The following RSPO2 variants were observed in gnomAD, a reference collection of about 807,000 sequenced individuals.
The protein encoded by RSPO2 is R-spondin 2, also known as R-spondin-2.
Under a neutral mutation model 30.9 loss-of-function variants are expected in RSPO2, and 14 were observed. The ratio of observed to expected loss-of-function variants is 0.45; its 90% CI spans 0.30 to 0.71. The LOEUF (loss-of-function observed/expected upper bound fraction) is 0.71, where lower values mean the gene tolerates loss of function less well. RSPO2 is among the 30% of genes least tolerant of loss of function. RSPO2 has a pLI of 0.08. For missense variants in RSPO2, 264 were observed against 301.9 expected, an observed-to-expected ratio of 0.87 and a Z score of 0.93; for synonymous variants, 107 against 96.4, an observed-to-expected ratio of 1.11 and a Z score of -0.64.
chr8:108,075,678 G>GT lies in RSPO2; in HGVS notation c.94+6866dup, dbSNP rs35335035. 2.7e-3 allele frequency among the ~76,000 whole-genome samples: 402 copies of GT among 146,784 alleles called. 3 individuals carry two copies. The highest frequency in any genetic ancestry group is 0.018 in the East Asian group (90 of 5,080). On this transcript the variant is annotated intron_variant, in intron 2 of 5. Transcript: ENST00000276659. ...CTGGGCTGGGAATGCTTTTATACCT[G>GT]TTTTTTTTTTTAATTTTTCTTTAAA...
intron 2 of RSPO2, among the ~76,000 whole-genome samples, chr8:108,042,260 T>A (rs1032958828): frequency 1.3e-5 from 2 of 151,996 alleles, no homozygotes; most frequent in African/African-American, 2.4e-5. Flanking sequence ...TAAAGGAGGA[T>A]CATGAAGGAA....
intron 3 of RSPO2, among the ~76,000 whole-genome samples, chr8:107,963,849 C>A (rs988692208): frequency 6.6e-6 from 1 of 152,070 alleles, no homozygotes; most frequent in African/African-American, 2.4e-5. Flanking sequence ...GGCATCTATC[C>A]AATCTAAAAC....
chr8:107,979,067 T>C (rs1359396655), intron 3 of RSPO2, among the ~76,000 whole-genome samples: 1 of 152,134 alleles, frequency 6.6e-6, no homozygotes, highest in Non-Finnish European at 1.5e-5. Flanking sequence ...ATAGGAACAC[T>C]TTTACATTGT....
intron 2 of RSPO2, among the ~76,000 whole-genome samples, chr8:108,062,135 C>G (rs1340624900): frequency 6.6e-6 from 1 of 151,704 alleles, no homozygotes; most frequent in Non-Finnish European, 1.5e-5. Context: ...ACTAGAGAAG[C>G]AGAAGCAAAC....
intron 2 of RSPO2, among the ~76,000 whole-genome samples, chr8:108,070,353 T>C (rs13254424): frequency 0.44 from 62,932 of 144,252 alleles, 17,486 homozygotes; most frequent in African/African-American, 0.81. Flanking sequence ...ACTGCAGTGG[T>C]GCAATCTCGG....
intron 2 of RSPO2, among the ~76,000 whole-genome samples, chr8:108,080,493 G>T (rs1341786680): frequency 1.3e-5 from 2 of 152,170 alleles, no homozygotes; most frequent in Non-Finnish European, 2.9e-5. Flanking sequence ...GATGGTAATC[G>T]TTACAAGAGA....
At chr8:107,982,129 A>C (rs908698196) in intron 3 of RSPO2, among the ~76,000 whole-genome samples, 3 of 152,176 alleles carry the variant, frequency 2.0e-5, no homozygotes, top group Non-Finnish European at 4.4e-5. Context: ...GTAGAATCAT[A>C]AAATGTAGCA....
At chr8:108,079,238 C>T (rs1813110211) in intron 2 of RSPO2, among the ~76,000 whole-genome samples, 1 of 152,128 alleles carries the variant, frequency 6.6e-6, no homozygotes, top group African/African-American at 2.4e-5. Context: ...TGTGTCTCCC[C>T]TCTAAAAGAT....
chr8:107,956,084 G>C (rs555496132), intron 5 of RSPO2, among the ~76,000 whole-genome samples: 2 of 152,104 alleles, frequency 1.3e-5, no homozygotes, highest in Non-Finnish European at 2.9e-5. Context: ...TGGAAGTTAC[G>C]CCAATTTTTA....
rs866283769 is a variant in RSPO2 at position 107,989,204 on chromosome 8, A to G, written c.135T>C (p.Ser45=). The change falls in exon 3 of 6, where the codon TCT becomes TCC. Residue 45 remains serine (S), a synonymous_variant. Coordinates refer to ENST00000276659, the MANE Select transcript of RSPO2 (RefSeq NM_178565.5). The part of the protein sequence containing the change: ...VSNPICKGCL[S]CSKDNGCSRC... ...GGCTACACCCATTGTCCTTTGAACA[A>G]GACAAACAACCCTTGCAAATGGGAT... 6.3e-7 allele frequency: 1 copy of G among 1,594,192 alleles called. No homozygotes were observed. Among genetic ancestry groups the G allele is most frequent in the East Asian group, 2.3e-5 (1 of 44,330 alleles).
chr8:108,057,363 T>G (rs992941957), intron 2 of RSPO2, among the ~76,000 whole-genome samples: 1 of 152,128 alleles, frequency 6.6e-6, no homozygotes, highest in Admixed American at 6.5e-5. Flanking sequence ...AGAAAGGTTA[T>G]TGGTAGTTGT....
chr8:107,919,125 T>A (rs1195138973), intron 5 of RSPO2, among the ~76,000 whole-genome samples: 1 of 152,152 alleles, frequency 6.6e-6, no homozygotes, highest in Non-Finnish European at 1.5e-5. Flanking sequence ...GCAGTTTCAC[T>A]CCTCTTACCT....
chr8:107,932,280 T>C (rs1026850731), intron 5 of RSPO2, among the ~76,000 whole-genome samples: 1 of 152,074 alleles, frequency 6.6e-6, no homozygotes, highest in African/African-American at 2.4e-5. Context: ...TCCAGTGGAA[T>C]TGGTGACCAA....
chr8:108,015,122 C>A (rs1337623777), intron 2 of RSPO2, among the ~76,000 whole-genome samples: 2 of 152,100 alleles, frequency 1.3e-5, no homozygotes, highest in Non-Finnish European at 2.9e-5. Context: ...ATAATAGAAG[C>A]AGCATAAGTA....
intron 5 of RSPO2, among the ~76,000 whole-genome samples, chr8:107,937,189 C>A (rs1288337609): frequency 6.8e-6 from 1 of 147,876 alleles, no homozygotes; most frequent in Non-Finnish European, 1.5e-5. Context: ...GAGACAAGGT[C>A]CAGTTTCATC....
chr8:108,077,038 G>A (rs1308945012), intron 2 of RSPO2, among the ~76,000 whole-genome samples: 3 of 152,142 alleles, frequency 2.0e-5, no homozygotes, highest in Non-Finnish European at 1.5e-5. Flanking sequence ...GCAATGAGGG[G>A]AGTATGACTG....
intron 2 of RSPO2, among the ~76,000 whole-genome samples, chr8:108,051,683 A>G (rs1812084126): frequency 6.6e-6 from 1 of 152,204 alleles, no homozygotes; most frequent in Non-Finnish European, 1.5e-5. Flanking sequence ...CAGAAACAGG[A>G]GAGGTAGTAT....
chr8:107,974,247 G>A (rs905850290), intron 3 of RSPO2, among the ~76,000 whole-genome samples: 1 of 151,488 alleles, frequency 6.6e-6, no homozygotes, highest in Non-Finnish European at 1.5e-5. Flanking sequence ...AACACTTTGG[G>A]AGGCCGAGGC....
chr8:108,017,070 G>C (rs142327563), intron 2 of RSPO2, among the ~76,000 whole-genome samples: 17,206 of 150,552 alleles, frequency 0.11, 1,322 homozygotes, highest in Middle Eastern at 0.16. Context: ...AGGCTGGAGT[G>C]CAGTGGCGCG....
Sources: gnomAD v4.1 joint callset for allele counts (sites outside exome capture counted in the v4.1 genomes callset) on GRCh38, gnomAD v4.1.1 for gene constraint, MANE v1.5 for transcripts, NCBI Gene and HGNC (gene_info 2026-07-23, HGNC 2026-07-21) for gene names.